NAAA: variants seen among roughly 807,000 people sequenced by gnomAD.
NAAA encodes the protein N-acylethanolamine acid amidase.
A neutral mutation model predicts 44.8 loss-of-function variants in NAAA; 39 were observed. The observed-to-expected ratio is 0.87, with a 90% CI of 0.67 to 1.14. The LOEUF (loss-of-function observed/expected upper bound fraction) is 1.14, where lower values mean the gene tolerates loss of function less well. Among genes scored for constraint, NAAA ranks in the 50% most tolerant of loss-of-function variants. The pLI, the probability that NAAA is intolerant of heterozygous loss-of-function variation, is 0.00. For synonymous variants in NAAA, 178 were observed against 191.3 expected (o/e 0.93, Z 0.58); for missense variants, 460 against 467.8 (o/e 0.98, Z 0.15).
chr4:75,937,963 T>G lies in NAAA; in HGVS notation c.372-1728A>C, dbSNP rs532266213. Among the ~76,000 whole-genome samples, 46 of 152,350 alleles carry G rather than the reference T, an allele frequency of 3.0e-4. 1 individual carries two copies. The South Asian group carries it at 9.5e-3, about 32-fold the overall frequency. On this transcript the variant is annotated intron_variant, in intron 2 of 10. Coordinates refer to ENST00000286733, the MANE Select transcript of NAAA (RefSeq NM_014435.4). ...CAAATGTTGTAGTGTGATGCAGCAG[T>G]GCACAAGCATGGGAGACAAATGAGG...
Position 75,913,916 on chromosome 4 carries a change from G to A in NAAA, c.*459C>T. ...ATTCAAACAGGCTTGGTTCGAAATAGAGTTCTCCATTTCTTTCAGATGAGC... is the reference window on the plus strand; with the variant it reads ...ATTCAAACAGGCTTGGTTCGAAATAAAGTTCTCCATTTCTTTCAGATGAGC... On this transcript the variant is annotated 3_prime_UTR_variant, in exon 11 of 11. Coordinates refer to ENST00000286733, the MANE Select transcript of NAAA (RefSeq NM_014435.4). 2.0e-6 allele frequency: 2 copies of A among 985,426 alleles called. No individual in the cohort carries two copies. The highest frequency in any genetic ancestry group is 2.4e-6 in the Non-Finnish European group (2 of 829,940). The allele number at this position is 985,426 out of a possible 1,614,324, so 61.0% of individuals were successfully genotyped here.
At chr4:75,931,388 AT>A (rs1163156008) in intron 3 of NAAA, 84 bp from the exon 4 acceptor site, 13 of 1,022,916 alleles carry the variant, frequency 1.3e-5, no homozygotes, top group South Asian at 6.0e-5. Context: ...AATTTTCTGG[AT>A]TTTTTTTCTT....
At position 75,931,315 on chromosome 4, in the gene NAAA, G is replaced by A; in HGVS notation, c.499-11C>T. ...TCCTGTGAATGCAATCTGAAATCAA[G>A]AGATAACATGGATCATTTCACCATT... On this transcript the variant is annotated splice_polypyrimidine_tract_variant and intron_variant, in intron 3 of 10. Coordinates refer to ENST00000286733, the MANE Select transcript of NAAA (RefSeq NM_014435.4). The A allele has an allele frequency of 6.3e-7, 1 of 1,583,496 alleles. No individual in the cohort carries two copies. The highest frequency in any genetic ancestry group is 8.7e-7 in the Non-Finnish European group (1 of 1,153,124).
At chr4:75,933,419 A>G (rs1340190293) in intron 3 of NAAA, among the ~76,000 whole-genome samples, 3 of 152,138 alleles carry the variant, frequency 2.0e-5, no homozygotes, top group Non-Finnish European at 4.4e-5. Flanking sequence ...ATCTCCACGC[A>G]TGGTGGTAAA....
At chr4:75,917,755 C>T (rs1362985087) in intron 9 of NAAA, 13 of 402,500 alleles carry the variant, frequency 3.2e-5, no homozygotes, top group East Asian at 3.2e-4. Flanking sequence ...CGTGAGCCAC[C>T]GCACCTGGCC....
In NAAA at chr4:75,925,736, G is replaced by A; in HGVS notation, c.665C>T (p.Ala222Val). 6.2e-7 allele frequency: 1 copy of A among 1,614,124 alleles called. No individual in the cohort carries two copies. Among genetic ancestry groups the A allele is most frequent in the Non-Finnish European group, 8.5e-7 (1 of 1,179,974 alleles). Residue 222 changes from alanine (A) to valine (V), a missense_variant and splice_region_variant, in exon 5 of 11, where the codon GCT becomes GTT. Transcript: ENST00000286733. ...GGGCTCCACATTAAATATACTCACA[G>A]CGCGGATCAGCCAGCTGACGGGAAT... Reference protein sequence around the residue: ...RHIPVSWLIRATLSESENFEA... With the variant: ...RHIPVSWLIRVTLSESENFEA...
rs1255314764 is a variant in NAAA at position 75,940,755 on chromosome 4, C to A, written c.195G>T (p.Ala65=). The change falls in exon 1 of 11, where the codon GCG becomes GCT. Residue 65 remains alanine, a synonymous_variant. Coordinates refer to ENST00000286733, the MANE Select transcript of NAAA (RefSeq NM_014435.4). ...YDLDLVRAAM[A]QVIGDRVPKW... is the part of the protein sequence containing the mutation. ...GGGCCCCAGCTCACCCGATGACTTG[C>A]GCCATCGCGGCGCGCACCAAGTCCA... 1 of 1,596,444 alleles carries A rather than the reference C, an allele frequency of 6.3e-7. No homozygotes were observed. Among genetic ancestry groups the A allele is most frequent in the Non-Finnish European group, 8.5e-7 (1 of 1,178,070 alleles).
chr4:75,910,888 G>C (rs1340975408), downstream of NAAA, among the ~76,000 whole-genome samples: 1 of 152,136 alleles, frequency 6.6e-6, no homozygotes, highest in Non-Finnish European at 1.5e-5. Flanking sequence ...GGTGCACGTG[G>C]GCTGAGTCCA....
Position 75,913,747 on chromosome 4 carries a change from G to A in NAAA, c.*628C>T, listed in dbSNP as rs1725429365. Reference sequence around the variant, plus strand: ...TGTGACATTAAGAAATAATTTGGTTGCATATTATTTTCAAAAAGCAGTAAG... The same window carrying A: ...TGTGACATTAAGAAATAATTTGGTTACATATTATTTTCAAAAAGCAGTAAG... On this transcript the variant is annotated 3_prime_UTR_variant, in exon 11 of 11. Coordinates refer to ENST00000286733, the MANE Select transcript of NAAA (RefSeq NM_014435.4). 6.1e-6 allele frequency: 6 copies of A among 980,180 alleles called. No homozygotes were observed. Among genetic ancestry groups the A allele is most frequent in the East Asian group, 1.1e-4 (1 of 8,782 alleles). 60.7% of individuals were successfully genotyped at this position (980,180 alleles called of 1,614,324 possible). A position where few individuals can be genotyped will look rare whatever the true frequency, so the allele number is the denominator to read the frequency against.
At chr4:75,922,756 A>G (rs1322670002) in intron 5 of NAAA, among the ~76,000 whole-genome samples, 1 of 152,242 alleles carries the variant, frequency 6.6e-6, no homozygotes, top group Admixed American at 6.5e-5. Flanking sequence ...GAACCATCAG[A>G]GGGCAAAGAA....
At position 75,940,862 on chromosome 4, in the gene NAAA, G is replaced by A; in HGVS notation, c.88C>T (p.Pro30Ser). ...ACGTTGAAGCGCGGCGCTGCTGGGGGCGAGGCGGCTGACAGCCCGGCCCCG... is the reference window on the plus strand; with the variant it reads ...ACGTTGAAGCGCGGCGCTGCTGGGGACGAGGCGGCTGACAGCCCGGCCCCG... ...LAGAGLSAAS[P>S]PAAPRFNVSL... Residue 30 changes from proline (P) to serine (S), a missense_variant, in exon 1 of 11, where the codon CCC becomes TCC. Pro to Ser is a moderately conservative substitution (Grantham distance 74, BLOSUM62 -1). Transcript: ENST00000286733. 2 of 1,578,794 alleles carry A rather than the reference G, an allele frequency of 1.3e-6. No homozygotes were observed. The highest frequency in any genetic ancestry group is 8.5e-7 in the Non-Finnish European group (1 of 1,171,734).
chr4:75,927,899 G>A (rs1726882436), intron 4 of NAAA, among the ~76,000 whole-genome samples: 1 of 152,052 alleles, frequency 6.6e-6, no homozygotes. Context: ...ATCATTAAGA[G>A]AAATAAAAAT....
At chr4:75,936,746 C>T (rs1272470793) in intron 2 of NAAA, among the ~76,000 whole-genome samples, 1 of 152,174 alleles carries the variant, frequency 6.6e-6, no homozygotes, top group East Asian at 1.9e-4. Context: ...GGACTTGGCA[C>T]TTTTCCTTTC....
intron 3 of NAAA, among the ~76,000 whole-genome samples, chr4:75,932,551 C>T (rs1329944223): frequency 4.6e-5 from 7 of 152,082 alleles, no homozygotes; most frequent in African/African-American, 1.4e-4. Context: ...GGTGCAATCA[C>T]GACTCACTGC....
chr4:75,940,767 G>T lies in NAAA; in HGVS notation c.183C>A (p.Arg61=). 1 of 1,597,972 alleles carries T rather than the reference G, an allele frequency of 6.3e-7. No individual in the cohort carries two copies. The stretch of plus-strand genomic sequence containing the variant: ...ACCCGATGACTTGCGCCATCGCGGC[G>T]CGCACCAAGTCCAAGTCGTAGTGCC... The part of the protein sequence containing the change: ...VLRHYDLDLV[R]AAMAQVIGDR... The change falls in exon 1 of 11, where the codon CGC becomes CGA. Residue 61 remains arginine, a synonymous_variant. Coordinates refer to ENST00000286733, the MANE Select transcript of NAAA (RefSeq NM_014435.4).
intron 2 of NAAA, among the ~76,000 whole-genome samples, chr4:75,936,464 T>C (rs1026623554): frequency 6.6e-6 from 1 of 152,186 alleles, no homozygotes; most frequent in African/African-American, 2.4e-5. Context: ...TCTTTACCCT[T>C]AGCACACATG....
chr4:75,929,487 T>TA (rs945189827), intron 4 of NAAA, among the ~76,000 whole-genome samples: 1 of 152,234 alleles, frequency 6.6e-6, no homozygotes, highest in African/African-American at 2.4e-5. Context: ...TGTTGTAGAC[T>TA]AACTTGGTTA....
chr4:75,919,052 C>CTTT (rs11463331), intron 8 of NAAA, among the ~76,000 whole-genome samples: 7 of 151,220 alleles, frequency 4.6e-5, no homozygotes, highest in East Asian at 3.9e-4. Context: ...GTGATATAGA[C>CTTT]TTTTTTTTTG....
At chr4:75,921,940 C>T (rs1578049369) in intron 5 of NAAA, among the ~76,000 whole-genome samples, 2 of 152,298 alleles carry the variant, frequency 1.3e-5, no homozygotes, top group East Asian at 3.9e-4. Flanking sequence ...CTTCAGATTC[C>T]ATATGGGCTC....
Sources: allele counts gnomAD v4.1 joint callset (sites outside exome capture counted in the v4.1 genomes callset), GRCh38; gene constraint gnomAD v4.1.1; transcripts MANE v1.5; gene names NCBI Gene and HGNC (gene_info 2026-07-23, HGNC 2026-07-21).